LHFPL2: variants seen among roughly 807,000 people sequenced by gnomAD.
The protein encoded by LHFPL2 is LHFPL tetraspan subfamily member 2.
LHFPL2 carries 7 observed loss-of-function variants against 17.5 expected under a neutral mutation model. The observed-to-expected ratio is 0.40, with a 90% confidence interval of 0.23 to 0.75. The LOEUF (loss-of-function observed/expected upper bound fraction) is 0.75, where lower values mean the gene tolerates loss of function less well. Ranked by LOEUF, LHFPL2 falls within the 30% of genes least tolerant of loss-of-function variation. The pLI, the probability that LHFPL2 is intolerant of heterozygous loss-of-function variation, is 0.37. For synonymous variants in LHFPL2, 134 were observed against 116.2 expected (o/e 1.15, Z -0.99); for missense variants, 241 against 294.8 (o/e 0.82, Z 1.34).
At chr5:78,495,707 GGA>G (rs1018173731) in intron 4 of LHFPL2, among the ~76,000 whole-genome samples, 1 of 152,156 alleles carries the variant, frequency 6.6e-6, no homozygotes, top group African/African-American at 2.4e-5. Context: ...GAACGTCTCT[GGA>G]GAGAGTTCAC....
intron 3 of LHFPL2, among the ~76,000 whole-genome samples, chr5:78,521,542 T>A (rs1755459294): frequency 6.6e-6 from 1 of 152,230 alleles, no homozygotes; most frequent in Non-Finnish European, 1.5e-5. Flanking sequence ...TTTAAAAAAA[T>A]TTTGCCTCCC....
chr5:78,584,355 C>T (rs1003907983), intron 2 of LHFPL2, among the ~76,000 whole-genome samples: 154 of 152,286 alleles, frequency 1.0e-3, no homozygotes, highest in African/African-American at 3.4e-3. Flanking sequence ...GGAGGAGAGG[C>T]GCCCTGCTTT....
intron 3 of LHFPL2, among the ~76,000 whole-genome samples, chr5:78,539,187 T>A (rs1331678025): frequency 6.6e-6 from 1 of 152,134 alleles, no homozygotes; most frequent in Non-Finnish European, 1.5e-5. Context: ...CCTTCTGCCC[T>A]CGGCCACGTG....
At chr5:78,512,707 T>C (rs564657150) in intron 3 of LHFPL2, among the ~76,000 whole-genome samples, 3 of 151,918 alleles carry the variant, frequency 2.0e-5, no homozygotes, top group Admixed American at 6.6e-5. Context: ...GAAAACCATT[T>C]TACTGTTATG....
At chr5:78,631,716 A>T (rs1158301214) in intron 2 of LHFPL2, among the ~76,000 whole-genome samples, 4 of 152,224 alleles carry the variant, frequency 2.6e-5, no homozygotes, top group Admixed American at 2.6e-4. Context: ...CAGGCGGATC[A>T]CTTGAGGTCA....
At chr5:78,554,679 A>C (rs574460559) in intron 3 of LHFPL2, among the ~76,000 whole-genome samples, 1 of 152,342 alleles carries the variant, frequency 6.6e-6, no homozygotes, top group East Asian at 1.9e-4. Flanking sequence ...TCAGCAAATA[A>C]AACACTGCCA....
chr5:78,619,758 T>C (rs1186325372), intron 2 of LHFPL2, among the ~76,000 whole-genome samples: 16 of 138,236 alleles, frequency 1.2e-4, no homozygotes, highest in Non-Finnish European at 1.9e-4. Context: ...ATGCGGTGTT[T>C]GGTTTTTTGT....
intron 3 of LHFPL2, among the ~76,000 whole-genome samples, chr5:78,535,694 C>A (rs1561327229): frequency 6.6e-6 from 1 of 152,172 alleles, no homozygotes; most frequent in Non-Finnish European, 1.5e-5. Flanking sequence ...AAGCCTGTGG[C>A]TGGGGGCGCC....
At chr5:78,571,621 G>C (rs570917642) in intron 2 of LHFPL2, among the ~76,000 whole-genome samples, 3 of 152,108 alleles carry the variant, frequency 2.0e-5, no homozygotes, top group African/African-American at 7.2e-5. Context: ...CAGAGGGTGA[G>C]GCAGGCCCCC....
intron 3 of LHFPL2, among the ~76,000 whole-genome samples, chr5:78,527,373 T>G (rs575742765): frequency 2.0e-5 from 3 of 150,054 alleles, no homozygotes; most frequent in Admixed American, 6.6e-5. Context: ...GTTTTTTTTT[T>G]TTTTTTTTTT....
intron 2 of LHFPL2, among the ~76,000 whole-genome samples, chr5:78,623,096 AT>A (rs1211342901): frequency 6.6e-6 from 1 of 152,214 alleles, no homozygotes; most frequent in Non-Finnish European, 1.5e-5. Flanking sequence ...ATGGAAGCAA[AT>A]TCTTACAAAA....
At chr5:78,493,145 C>T (rs1449159515) in intron 4 of LHFPL2, among the ~76,000 whole-genome samples, 1 of 152,166 alleles carries the variant, frequency 6.6e-6, no homozygotes, top group East Asian at 1.9e-4. Flanking sequence ...TAGATAAAGC[C>T]TCTTCTACCA....
intron 3 of LHFPL2, among the ~76,000 whole-genome samples, chr5:78,532,893 T>G (rs1012836586): frequency 1.3e-5 from 2 of 152,150 alleles, no homozygotes. Context: ...TCCCCAATGG[T>G]GAGCCAGGCT....
chr5:78,617,097 C>T (rs997602791), intron 2 of LHFPL2, among the ~76,000 whole-genome samples: 1 of 151,886 alleles, frequency 6.6e-6, no homozygotes, highest in Non-Finnish European at 1.5e-5. Flanking sequence ...GGCTCAATCT[C>T]CGCTCACTAC....
chr5:78,624,108 T>C (rs60884997), intron 2 of LHFPL2, among the ~76,000 whole-genome samples: 11,595 of 152,312 alleles, frequency 0.076, 1,499 homozygotes, highest in African/African-American at 0.26. Flanking sequence ...GCTCAACTCA[T>C]TGCTGGCCTG....
rs552495149 is a variant in LHFPL2, at chr5:78,648,610, G to A, written c.-461C>T. Reference sequence around the variant, plus strand: ...CTCTTGCCCCCGCTGGCCGCGCCTGGAAGAAGGAGGCGGGAGGAGAGCGAG... The same window carrying A: ...CTCTTGCCCCCGCTGGCCGCGCCTGAAAGAAGGAGGCGGGAGGAGAGCGAG... On this transcript the variant is annotated 5_prime_UTR_variant, in exon 1 of 5. Transcript: ENST00000380345. This position sits in a 1 kb window ranked among gnomAD's most constrained non-coding sequence, Gnocchi z 5.4. 28 of 152,166 alleles carry A rather than the reference G, an allele frequency of 1.8e-4. No individual in the cohort carries two copies. The highest frequency in any genetic ancestry group is 6.0e-4 in the African/African-American group (25 of 41,436). 9.4% of individuals were successfully genotyped at this position (152,166 alleles called of 1,614,324 possible). A position where few individuals can be genotyped will look rare whatever the true frequency, so the allele number is the denominator to read the frequency against.
Position 78,510,070 on chromosome 5 carries a change from G to A in LHFPL2, c.144C>T (p.Gly48=). ...ARSRGGVEPA[G]PGGGSPEPYH... ...AGGGCTCCGGGGAGCCCCCGCCCGG[G>A]CCCGCCGGCTCCACGCCGCCGCGGC... Residue 48 remains glycine (G), a synonymous_variant, in exon 4 of 5, where the codon GGC becomes GGT. Transcript: ENST00000380345. The A allele has an allele frequency of 6.2e-7, 1 of 1,610,352 alleles. No homozygotes were observed. The highest frequency in any genetic ancestry group is 8.5e-7 in the Non-Finnish European group (1 of 1,178,476).
chr5:78,552,737 A>G (rs1372039979), intron 3 of LHFPL2, among the ~76,000 whole-genome samples: 1 of 152,262 alleles, frequency 6.6e-6, no homozygotes, highest in Admixed American at 6.5e-5. Context: ...CAGGGGATGT[A>G]GCACATTTGG....
intron 3 of LHFPL2, among the ~76,000 whole-genome samples, chr5:78,542,327 C>T (rs1289071734): frequency 6.6e-6 from 1 of 152,192 alleles, no homozygotes; most frequent in Non-Finnish European, 1.5e-5. Context: ...AAGAAGCCCA[C>T]TCTTACAGAG....
Sources: gnomAD v4.1 joint callset for allele counts (sites outside exome capture counted in the v4.1 genomes callset) on GRCh38, gnomAD v4.1.1 for gene constraint, Gnocchi (gnomAD v3.1) non-coding constraint, MANE v1.5 for transcripts, NCBI Gene and HGNC (gene_info 2026-07-23, HGNC 2026-07-21) for gene names.